The following EYS variants were observed in gnomAD, a reference collection of about 807,000 sequenced individuals.
EYS encodes protein eyes shut homolog.
A neutral mutation model predicts 282.1 loss-of-function variants in EYS; 250 were observed. The ratio of observed to expected loss-of-function variants is 0.89; its 90% CI spans 0.80 to 0.98. The LOEUF (loss-of-function observed/expected upper bound fraction) is 0.98, where lower values mean the gene tolerates loss of function less well. EYS is among the 50% of genes least tolerant of loss of function. The pLI, the probability that EYS is intolerant of heterozygous loss-of-function variation, is 0.00. For missense variants in EYS, 4,016 were observed against 3,709.0 expected (o/e 1.08, Z -2.15); for synonymous variants, 1,355 against 1,282.9 (o/e 1.06, Z -1.20).
At chr6:64,765,105 C>G (rs142242599) in intron 22 of EYS, among the ~76,000 whole-genome samples, 10 of 152,340 alleles carry the variant, frequency 6.6e-5, no homozygotes, top group African/African-American at 2.4e-4. Flanking sequence ...AGCATATACT[C>G]TTAGAAACAG....
rs375052562 is a variant in EYS, at chr6:64,928,661, A to G, written c.2382-15918T>C. Among the ~76,000 whole-genome samples, 254 of 152,310 alleles carry G rather than the reference A, an allele frequency of 1.7e-3. 3 individuals carry two copies. Among genetic ancestry groups the G allele is most frequent in the African/African-American group, 5.8e-3 (242 of 41,590 alleles). On this transcript the variant is annotated intron_variant, in intron 15 of 42. Transcript: ENST00000503581. ...CATCTTTAAAAACAAATGTTAAAAAAGAAGAAAACAAGCAAAATCTATTCT... is the reference window on the plus strand; with the variant it reads ...CATCTTTAAAAACAAATGTTAAAAAGGAAGAAAACAAGCAAAATCTATTCT...
intron 19 of EYS, among the ~76,000 whole-genome samples, chr6:64,829,030 G>C (rs572810245): frequency 4.0e-5 from 6 of 151,870 alleles, no homozygotes; most frequent in African/African-American, 1.2e-4. Context: ...GGTGGAAATA[G>C]CCTAAGAGAA....
chr6:65,664,026 A>G (rs970309751), intron 1 of EYS, among the ~76,000 whole-genome samples: 24 of 151,612 alleles, frequency 1.6e-4, no homozygotes, highest in African/African-American at 5.8e-4. Context: ...TGCGGCCACC[A>G]CGCCCGGCTA....
chr6:65,151,881 C>T (rs9453207), intron 12 of EYS, among the ~76,000 whole-genome samples: 18,272 of 151,730 alleles, frequency 0.12, 1,433 homozygotes, highest in African/African-American at 0.22. Flanking sequence ...ACTTATATTA[C>T]TGGTTCAGAT....
chr6:64,921,972 T>TAA (rs201800841), intron 15 of EYS, among the ~76,000 whole-genome samples: 24 of 146,060 alleles, frequency 1.6e-4, no homozygotes, highest in South Asian at 4.3e-4. Context: ...GAACAAAAAT[T>TAA]AAAAAAAAAA....
chr6:64,254,685 A>T (rs1767333442), intron 30 of EYS, among the ~76,000 whole-genome samples: 1 of 151,912 alleles, frequency 6.6e-6, no homozygotes, highest in Non-Finnish European at 1.5e-5. Flanking sequence ...GGGTTTCTGT[A>T]CTATTTCTGG....
intron 2 of EYS, among the ~76,000 whole-genome samples, chr6:65,609,988 C>T (rs1765935801): frequency 6.6e-6 from 1 of 152,106 alleles, no homozygotes; most frequent in Non-Finnish European, 1.5e-5. Context: ...CAGCCTTGAA[C>T]TCCTGGGCTC....
chr6:63,999,565 G>A (rs1431205940), intron 33 of EYS, among the ~76,000 whole-genome samples: 1 of 152,144 alleles, frequency 6.6e-6, no homozygotes, highest in Non-Finnish European at 1.5e-5. Flanking sequence ...AATGTTAAAT[G>A]ATGCTAAACT....
chr6:65,289,707 A>T (rs779361657), intron 12 of EYS, among the ~76,000 whole-genome samples: 1 of 151,188 alleles, frequency 6.6e-6, no homozygotes, highest in East Asian at 1.9e-4. Flanking sequence ...AAATTCACAC[A>T]TTACTAACAA....
chr6:64,460,255 A>C (rs1775699363), intron 26 of EYS, among the ~76,000 whole-genome samples: 1 of 152,228 alleles, frequency 6.6e-6, no homozygotes, highest in Non-Finnish European at 1.5e-5. Flanking sequence ...TATAGCCTTC[A>C]GAAGCCATTG....
intron 10 of EYS, among the ~76,000 whole-genome samples, chr6:65,336,479 T>C (rs1330182331): frequency 6.6e-6 from 1 of 151,698 alleles, no homozygotes; most frequent in Non-Finnish European, 1.5e-5. Context: ...TGAATATATG[T>C]ACATTTATTA....
intron 29 of EYS, among the ~76,000 whole-genome samples, chr6:64,348,890 A>G (rs1771513861): frequency 6.6e-6 from 1 of 151,310 alleles, no homozygotes; most frequent in Non-Finnish European, 1.5e-5. Context: ...GGCATTATTG[A>G]GTTGTTTGAA....
chr6:63,791,495 G>A (rs576893361), intron 37 of EYS, among the ~76,000 whole-genome samples: 5 of 151,548 alleles, frequency 3.3e-5, no homozygotes, highest in African/African-American at 7.3e-5. Context: ...GGAGAATGGC[G>A]GGAACCTGGG....
chr6:63,798,084 T>C lies in EYS; in HGVS notation c.7411+8106A>G, dbSNP rs533562781. On this transcript the variant is annotated intron_variant, in intron 37 of 42. Coordinates refer to ENST00000503581, the MANE Select transcript of EYS (RefSeq NM_001142800.2). ...AAACCACATGGGCTTACTGCAAGTA[T>C]AGTGTTCCCCTGTGAAATCAAGGTT... 6 of 152,298 alleles carry C rather than the reference T, an allele frequency of 3.9e-5. No individual in the cohort carries two copies. In the South Asian group the frequency reaches 1.2e-3, roughly 32 times the overall value. 9.4% of individuals were successfully genotyped at this position (152,298 alleles called of 1,614,324 possible).
At chr6:64,839,724 A>G (rs1765504475) in intron 19 of EYS, among the ~76,000 whole-genome samples, 1 of 151,976 alleles carries the variant, frequency 6.6e-6, no homozygotes, top group Non-Finnish European at 1.5e-5. Flanking sequence ...GGTGCCTGGT[A>G]AATGCTGCTC....
In EYS at chr6:64,481,900, T is replaced by C. The variant is rs140753859; in HGVS notation, c.5645-42548A>G. Among the ~76,000 whole-genome samples, 74 of 151,858 alleles carry C rather than the reference T, an allele frequency of 4.9e-4. 1 individual carries two copies. In the East Asian group the frequency reaches 0.013, roughly 26 times the overall value. ...ATTTAAGGATTTAAGTGTGATTTAATGTTTTATTAGTCAGGACATTTCAGC... is the reference window on the plus strand; with the variant it reads ...ATTTAAGGATTTAAGTGTGATTTAACGTTTTATTAGTCAGGACATTTCAGC... On this transcript the variant is annotated intron_variant, in intron 26 of 42. Transcript: ENST00000503581.
intron 41 of EYS, among the ~76,000 whole-genome samples, chr6:63,750,488 A>G (rs925457518): frequency 1.3e-5 from 2 of 152,170 alleles, no homozygotes; most frequent in Non-Finnish European, 2.9e-5. Context: ...GCTGAACTGC[A>G]TTTCTAATAT....
At chr6:63,872,350 G>A (rs1338333345) in intron 35 of EYS, among the ~76,000 whole-genome samples, 1 of 151,888 alleles carries the variant, frequency 6.6e-6, no homozygotes, top group Non-Finnish European at 1.5e-5. Context: ...AGGTATGTGT[G>A]TGTAAGTGTG....
chr6:64,951,103 A>G (rs1769491511), intron 14 of EYS, among the ~76,000 whole-genome samples: 1 of 151,622 alleles, frequency 6.6e-6, no homozygotes, highest in Admixed American at 6.6e-5. Flanking sequence ...TGAGCCCACA[A>G]TTTGATCAGC....
Sources: gnomAD v4.1 joint callset for allele counts (sites outside exome capture counted in the v4.1 genomes callset) on GRCh38, gnomAD v4.1.1 for gene constraint, MANE v1.5 for transcripts, NCBI Gene and HGNC (gene_info 2026-07-23, HGNC 2026-07-21) for gene names.